The following RFX3 variants were observed in gnomAD, a reference collection of about 807,000 sequenced individuals.
RFX3 encodes the protein transcription factor RFX3.
Under a neutral mutation model 98.6 loss-of-function variants are expected in RFX3, and 14 were observed. The observed-to-expected ratio is 0.14, with a 90% confidence interval of 0.09 to 0.22. RFX3 has a LOEUF of 0.22. Among genes scored for constraint, RFX3 ranks in the 10% least tolerant of loss-of-function variants. RFX3 has a pLI of 1.00. For missense variants in RFX3, 639 were observed against 926.9 expected (o/e 0.69, Z 4.03); for synonymous variants, 383 against 328.4 (o/e 1.17, Z -1.80).
At position 3,269,026 on chromosome 9, in the gene RFX3, G is replaced by A. The variant is rs149576560; in HGVS notation, c.1357+1345C>T. On this transcript the variant is annotated intron_variant, in intron 11 of 16. Transcript: ENST00000617270. ...AGCAAGAGAAAAACAAGGAAAATCC[G>A]ATTCTGGAACATAAATCAGTAGAGA... Among the ~76,000 whole-genome samples the A allele has an allele frequency of 6.6e-5, 10 of 151,990 alleles. No individual in the cohort carries two copies. In the East Asian group the frequency reaches 1.5e-3, roughly 23 times the overall value.
chr9:3,293,876 G>C (rs1420682125), intron 5 of RFX3, among the ~76,000 whole-genome samples: 1 of 152,058 alleles, frequency 6.6e-6, no homozygotes, highest in South Asian at 2.1e-4. Context: ...TTGGCAAAGA[G>C]TTTACATGTA....
intron 2 of RFX3, among the ~76,000 whole-genome samples, chr9:3,351,218 A>G (rs1206850658): frequency 1.3e-5 from 2 of 151,674 alleles, no homozygotes; most frequent in East Asian, 3.9e-4. Context: ...AAATCTCTGT[A>G]CCTTCCTCTT....
At chr9:3,331,819 A>G (rs913798772) in intron 3 of RFX3, among the ~76,000 whole-genome samples, 1 of 152,180 alleles carries the variant, frequency 6.6e-6, no homozygotes, top group African/African-American at 2.4e-5. Context: ...ACAATCTTAC[A>G]TAAGTTGGTA....
chr9:3,272,446 T>C (rs1005029282), intron 9 of RFX3, among the ~76,000 whole-genome samples: 11 of 152,204 alleles, frequency 7.2e-5, no homozygotes, highest in African/African-American at 2.7e-4. Context: ...ATGAAATATA[T>C]TCTAAAAGTA....
chr9:3,259,174 G>C (rs1822540730), intron 13 of RFX3, among the ~76,000 whole-genome samples: 1 of 151,470 alleles, frequency 6.6e-6, no homozygotes, highest in South Asian at 2.1e-4. Flanking sequence ...TTTTTTGTTT[G>C]TTTGCACGTT....
chr9:3,236,221 C>T (rs756187406), intron 15 of RFX3, among the ~76,000 whole-genome samples: 13 of 152,048 alleles, frequency 8.5e-5, no homozygotes, highest in Non-Finnish European at 1.8e-4. Flanking sequence ...AAGTTCCTAC[C>T]GGTCTGAAAG....
chr9:3,350,202 T>C (rs1407112873), intron 2 of RFX3, among the ~76,000 whole-genome samples: 1 of 152,146 alleles, frequency 6.6e-6, no homozygotes, highest in Admixed American at 6.6e-5. Context: ...TGGGGAAGAA[T>C]ATTTGCAATA....
intron 1 of RFX3, among the ~76,000 whole-genome samples, chr9:3,478,299 A>G (rs1849444785): frequency 6.6e-6 from 1 of 151,996 alleles, no homozygotes; most frequent in Admixed American, 6.6e-5. Flanking sequence ...TAAATTTTTT[A>G]ATCATCAGTG....
chr9:3,464,512 C>T (rs1420065126), intron 1 of RFX3, among the ~76,000 whole-genome samples: 1 of 152,120 alleles, frequency 6.6e-6, no homozygotes, highest in South Asian at 2.1e-4. Context: ...AGGCCAGGTG[C>T]AAAAACTACA....
chr9:3,446,359 A>C (rs1027393849), intron 1 of RFX3, among the ~76,000 whole-genome samples: 2 of 152,046 alleles, frequency 1.3e-5, no homozygotes, highest in South Asian at 4.1e-4. Context: ...TGATCCTATT[A>C]AAATAGTTTA....
chr9:3,309,555 A>T (rs930104870), intron 4 of RFX3, among the ~76,000 whole-genome samples: 6 of 151,552 alleles, frequency 4.0e-5, no homozygotes. Flanking sequence ...GAAAAGTCTT[A>T]ACCTAAGCCA....
chr9:3,424,772 A>G (rs1369029350), intron 1 of RFX3, among the ~76,000 whole-genome samples: 1 of 152,188 alleles, frequency 6.6e-6, no homozygotes, highest in Non-Finnish European at 1.5e-5. Context: ...TTTTTCATCT[A>G]TAATTGGTAT....
intron 15 of RFX3, 89 bp from the exon 16 acceptor site, chr9:3,228,978 G>A: frequency 1.7e-6 from 2 of 1,164,412 alleles, no homozygotes; most frequent in Non-Finnish European, 2.5e-6. Flanking sequence ...GCCAATCTAT[G>A]ACTCTTTAAA....
intron 2 of RFX3, among the ~76,000 whole-genome samples, chr9:3,389,371 C>A (rs1005713676): frequency 1.3e-5 from 2 of 152,040 alleles, no homozygotes; most frequent in Non-Finnish European, 2.9e-5. Context: ...TCTATAGAGA[C>A]CCATTGGTCC....
intron 1 of RFX3, among the ~76,000 whole-genome samples, chr9:3,424,463 G>A (rs532544703): frequency 7.5e-5 from 10 of 132,894 alleles, no homozygotes; most frequent in Admixed American, 1.8e-4. Flanking sequence ...CCGGGTTCAC[G>A]CCATTCTCCT....
intron 11 of RFX3, among the ~76,000 whole-genome samples, chr9:3,267,752 G>T (rs1823834074): frequency 6.6e-6 from 1 of 151,808 alleles, no homozygotes; most frequent in African/African-American, 2.4e-5. Context: ...ATATTTTTCT[G>T]TTGTATTATG....
At chr9:3,449,094 T>C (rs1448721997) in intron 1 of RFX3, among the ~76,000 whole-genome samples, 1 of 152,126 alleles carries the variant, frequency 6.6e-6, no homozygotes, top group Admixed American at 6.6e-5. Flanking sequence ...TGTACCTCAT[T>C]TTTTCCATCT....
chr9:3,330,648 T>C (rs1832485605), intron 3 of RFX3, 131 bp from the exon 4 acceptor site: 2 of 785,182 alleles, frequency 2.5e-6, no homozygotes, highest in South Asian at 3.7e-5. Flanking sequence ...TCGCATTTTG[T>C]ACAAAACTTC....
intron 1 of RFX3, among the ~76,000 whole-genome samples, chr9:3,425,021 G>A (rs145688000): frequency 0.026 from 3,987 of 152,202 alleles, 200 homozygotes; most frequent in African/African-American, 0.091. Context: ...CTTGAGCTCA[G>A]GAGTTCAAGA....
Sources: gnomAD v4.1 joint callset for allele counts (sites outside exome capture counted in the v4.1 genomes callset) on GRCh38, gnomAD v4.1.1 for gene constraint, MANE v1.5 for transcripts, NCBI Gene and HGNC (gene_info 2026-07-23, HGNC 2026-07-21) for gene names.